MID2: variants seen among roughly 807,000 people sequenced by gnomAD.
The protein encoded by MID2 is probable E3 ubiquitin-protein ligase MID2.
MID2 carries 13 observed loss-of-function variants against 46.1 expected under a neutral mutation model. The observed-to-expected ratio is 0.28, with a 90% confidence interval of 0.18 to 0.45. The LOEUF is 0.45. MID2 is among the 20% of genes least tolerant of loss of function. The probability of loss-of-function intolerance (pLI) is 1.00; values close to 1 mark genes in which losing one functional copy is unlikely to be tolerated. For missense variants in MID2, 431 were observed against 575.4 expected (o/e 0.75, Z 2.57); for synonymous variants, 199 against 212.3 (o/e 0.94, Z 0.55).
intron 3 of MID2, among the ~76,000 whole-genome samples, chrX:107,892,088 C>T (rs1260318416): frequency 1.8e-5 from 2 of 112,103 alleles, no homozygotes; most frequent in Admixed American, 9.4e-5. Context: ...GGGAGTATCA[C>T]GATGGTGAAT....
chrX:107,873,822 C>T (rs1230728580), intron 3 of MID2, among the ~76,000 whole-genome samples: 1 of 111,453 alleles, frequency 9.0e-6, no homozygotes, highest in Non-Finnish European at 1.9e-5. Context: ...CTATTAATTT[C>T]CTGATGGTAT....
chrX:107,918,233 G>C (rs1933005763), intron 7 of MID2, among the ~76,000 whole-genome samples: 1 of 111,036 alleles, frequency 9.0e-6, no homozygotes, highest in Non-Finnish European at 1.9e-5. Flanking sequence ...TAGCTCACAT[G>C]TTACGGTTTC....
chrX:107,842,692 T>A (rs1569462419), intron 2 of MID2, among the ~76,000 whole-genome samples: 1 of 112,546 alleles, frequency 8.9e-6, no homozygotes, highest in Non-Finnish European at 1.9e-5. Context: ...CTGATATGTA[T>A]AAATGTGTAG....
chrX:107,896,901 A>G (rs1932749409), intron 3 of MID2, among the ~76,000 whole-genome samples: 1 of 111,034 alleles, frequency 9.0e-6, no homozygotes, highest in East Asian at 2.8e-4. Context: ...CCTGGCTCTG[A>G]TATTTACTAG....
Position 107,930,022 on chromosome X carries a change from C to T in MID2, c.*2949C>T, listed in dbSNP as rs1474494682. Among the ~76,000 whole-genome samples the T allele has an allele frequency of 2.7e-5, 3 of 111,859 alleles. No individual in the cohort carries two copies. Among genetic ancestry groups the T allele is most frequent in the Non-Finnish European group, 5.7e-5 (3 of 53,088 alleles). On this transcript the variant is annotated 3_prime_UTR_variant, in exon 10 of 10. Coordinates refer to ENST00000262843, the MANE Select transcript of MID2 (RefSeq NM_012216.4). The stretch of plus-strand genomic sequence containing the variant: ...GAATTTACATTTTTGACAAGCTCCT[C>T]ATGATTCTGATGCACCAAAAATTTT...
At chrX:107,897,957 T>C (rs1932759476) in intron 3 of MID2, among the ~76,000 whole-genome samples, 1 of 111,956 alleles carries the variant, frequency 8.9e-6, no homozygotes, top group South Asian at 3.7e-4. Flanking sequence ...TCATCTCCTT[T>C]GCACAGAAAG....
intron 5 of MID2, among the ~76,000 whole-genome samples, chrX:107,908,251 T>G (rs925703003): frequency 1.3e-4 from 15 of 112,342 alleles, no homozygotes; most frequent in Non-Finnish European, 2.8e-4. Flanking sequence ...TTGGACTTTT[T>G]TTCTGCCACT....
At chrX:107,912,954 A>G (rs1932912854) in intron 5 of MID2, among the ~76,000 whole-genome samples, 1 of 110,685 alleles carries the variant, frequency 9.0e-6, no homozygotes, top group African/African-American at 3.3e-5. Context: ...CTTTCCCCTT[A>G]CAAATGACAC....
At position 107,905,542 on chromosome X, in the gene MID2, C is replaced by A. The variant is rs1932829052; in HGVS notation, c.989C>A (p.Thr330Lys). Residue 330 changes from threonine to lysine, a missense_variant, in exon 5 of 10, where the codon ACA (threonine) becomes AAA (lysine). Thr to Lys is a moderately conservative substitution (Grantham distance 78, BLOSUM62 -1). Transcript: ENST00000262843. ...ANCRQCLERSTVLINQAEHIL... is the reference protein window; with the variant it reads ...ANCRQCLERSKVLINQAEHIL... ...TGCCGCCAGTGTCTTGAACGGTCAA[C>A]AGTCCTCATCAACCAAGCTGAGCAT... is the stretch of plus-strand genomic sequence containing the variant. 1 of 1,205,316 alleles carries A rather than the reference C, an allele frequency of 8.3e-7. No homozygotes were observed. Among genetic ancestry groups the A allele is most frequent in the African/African-American group, 1.8e-5 (1 of 57,048 alleles).
intron 3 of MID2, among the ~76,000 whole-genome samples, chrX:107,893,294 T>C (rs1306512224): frequency 1.8e-5 from 2 of 112,944 alleles, no homozygotes; most frequent in East Asian, 5.5e-4. Flanking sequence ...TTGTCAGTGC[T>C]TCTTTTTACT....
chrX:107,876,388 G>A (rs1256719153), intron 3 of MID2, among the ~76,000 whole-genome samples: 1 of 111,431 alleles, frequency 9.0e-6, no homozygotes, highest in Non-Finnish European at 1.9e-5. Flanking sequence ...GACTGAATTG[G>A]GAGATAGAGA....
At chrX:107,908,153 G>C (rs779425817) in intron 5 of MID2, among the ~76,000 whole-genome samples, 1 of 111,955 alleles carries the variant, frequency 8.9e-6, no homozygotes, top group Non-Finnish European at 1.9e-5. Flanking sequence ...GTTTTTATTG[G>C]CATGACCTTA....
chrX:107,834,162 TG>T (rs1359909240), intron 1 of MID2, among the ~76,000 whole-genome samples: 3 of 111,800 alleles, frequency 2.7e-5, no homozygotes, highest in Admixed American at 9.5e-5. Context: ...TACAGCCCAA[TG>T]GTACCTTCTT....
At chrX:107,828,902 C>T (rs747504321) in intron 1 of MID2, among the ~76,000 whole-genome samples, 8 of 111,871 alleles carry the variant, frequency 7.2e-5, no homozygotes, top group Admixed American at 1.9e-4. Context: ...TCCTTTGAGA[C>T]GAAGTCTCGC....
At chrX:107,883,453 A>T (rs1265205804) in intron 3 of MID2, among the ~76,000 whole-genome samples, 2 of 112,252 alleles carry the variant, frequency 1.8e-5, no homozygotes, top group South Asian at 7.5e-4. Context: ...GGGCTTCATC[A>T]TATTCTCTAG....
intron 3 of MID2, among the ~76,000 whole-genome samples, chrX:107,883,385 A>C (rs147855721): frequency 0.035 from 3,856 of 111,618 alleles, 169 homozygotes; most frequent in African/African-American, 0.12. Context: ...AGGAGGGAAT[A>C]GATCAAACAA....
chrX:107,892,975 G>A (rs1412817228), intron 3 of MID2, among the ~76,000 whole-genome samples: 6 of 112,561 alleles, frequency 5.3e-5, no homozygotes, highest in Non-Finnish European at 7.5e-5. Flanking sequence ...TATCTATCTC[G>A]TGTATTGCTA....
At chrX:107,897,538 A>G (rs1390195961) in intron 3 of MID2, among the ~76,000 whole-genome samples, 1 of 112,206 alleles carries the variant, frequency 8.9e-6, no homozygotes, top group Middle Eastern at 4.2e-3. Context: ...TGGAAGGACC[A>G]TCTTTGAAAT....
intron 3 of MID2, among the ~76,000 whole-genome samples, chrX:107,872,508 A>T (rs903088316): frequency 8.9e-6 from 1 of 112,239 alleles, no homozygotes. Flanking sequence ...GAGTTCCCCA[A>T]TCTCTTCACA....
Sources: allele counts gnomAD v4.1 joint callset (sites outside exome capture counted in the v4.1 genomes callset), GRCh38; gene constraint gnomAD v4.1.1; transcripts MANE v1.5; gene names NCBI Gene and HGNC (gene_info 2026-07-23, HGNC 2026-07-21).